HIF3A: variants seen among roughly 807,000 people sequenced by gnomAD.
HIF3A encodes the protein hypoxia-inducible factor 3-alpha.
In HIF3A, 41 loss-of-function variants were observed where a neutral mutation model predicts 67.2. The ratio of observed to expected loss-of-function variants is 0.61; its 90% CI spans 0.48 to 0.79. The LOEUF is 0.79. Among genes scored for constraint, HIF3A ranks in the 30% least tolerant of loss-of-function variants. HIF3A has a pLI of 0.00. For synonymous variants in HIF3A, 356 were observed against 374.8 expected, an observed-to-expected ratio of 0.95 and a Z score of 0.58; for missense variants, 855 against 898.0, an observed-to-expected ratio of 0.95 and a Z score of 0.61.
chr19:46,312,562 G>C lies in HIF3A; in HGVS notation c.934G>C (p.Gly312Arg), dbSNP rs745456635. The change falls in exon 8 of 15, where the codon GGC becomes CGC. Residue 312 changes from glycine (G) to arginine (R), a missense_variant. Physicochemically the swap from Gly to Arg is moderately radical, Grantham distance 125. Transcript: ENST00000377670. ...GTATCGCTTCCTGGCCCGGAGTGGTGGCTACCTGTGGACCCAGACCCAGGC... is the reference window on the plus strand; with the variant it reads ...GTATCGCTTCCTGGCCCGGAGTGGTCGCTACCTGTGGACCCAGACCCAGGC... ...GQYRFLARSGGYLWTQTQATV... is the reference protein window; with the variant it reads ...GQYRFLARSGRYLWTQTQATV... 1.2e-6 allele frequency: 2 copies of C among 1,613,270 alleles called. No individual in the cohort carries two copies. Among genetic ancestry groups the C allele is most frequent in the African/African-American group, 2.7e-5 (2 of 75,018 alleles).
chr19:46,332,693 C>T (rs1971320257), intron 13 of HIF3A, among the ~76,000 whole-genome samples: 2 of 151,908 alleles, frequency 1.3e-5, no homozygotes, highest in African/African-American at 4.8e-5. Flanking sequence ...GATAATATAA[C>T]AGTTTACAGG....
At chr19:46,301,073 TC>T (rs1444049918) in intron 1 of HIF3A, among the ~76,000 whole-genome samples, 1 of 151,954 alleles carries the variant, frequency 6.6e-6, no homozygotes, top group Non-Finnish European at 1.5e-5. Context: ...GGACGGAATG[TC>T]CTCTCAGGCA....
chr19:46,326,686 G>C (rs943044866), intron 11 of HIF3A, among the ~76,000 whole-genome samples: 1 of 152,114 alleles, frequency 6.6e-6, no homozygotes, highest in Non-Finnish European at 1.5e-5. Flanking sequence ...TTGGCTTGTG[G>C]ACTAATGGGG....
chr19:46,316,457 C>A (rs533599059), intron 8 of HIF3A, among the ~76,000 whole-genome samples: 1 of 152,068 alleles, frequency 6.6e-6, no homozygotes, highest in East Asian at 1.9e-4. Flanking sequence ...AAGCTTTTCA[C>A]CATTTAGAAA....
chr19:46,306,992 G>A (rs1968907433), intron 3 of HIF3A, among the ~76,000 whole-genome samples: 3 of 152,160 alleles, frequency 2.0e-5, no homozygotes, highest in Admixed American at 2.0e-4. Context: ...AGAAAAGTGT[G>A]ATTTGAATGG....
chr19:46,329,338 T>A lies in HIF3A; in HGVS notation c.1572T>A (p.Ala524=), dbSNP rs1971015026. ...RPLGAVPRPR[A]RSFHGLSPPA... is the part of the protein sequence containing the mutation. ...TGGGGGCTGTCCCCCGGCCCCGTGC[T>A]CGGAGCTTCCATGGCCTGTCACCTC... The change falls in exon 12 of 15, where the codon GCT becomes GCA. Residue 524 remains alanine (A), a synonymous_variant. Coordinates refer to ENST00000377670, the MANE Select transcript of HIF3A (RefSeq NM_152795.4). The A allele has an allele frequency of 6.2e-7, 1 of 1,613,216 alleles. No individual in the cohort carries two copies. The highest frequency in any genetic ancestry group is 1.3e-5 in the African/African-American group (1 of 75,048).
At chr19:46,339,237 ATTAGT>A (rs1344432709) in intron 14 of HIF3A, among the ~76,000 whole-genome samples, 2 of 152,170 alleles carry the variant, frequency 1.3e-5, no homozygotes, top group South Asian at 2.1e-4. Context: ...GCCAACCGAA[ATTAGT>A]TTAAATTGTA....
At chr19:46,298,528 C>A in intron 1 of HIF3A, 1 of 1,265,930 alleles carries the variant, frequency 7.9e-7, no homozygotes, top group Non-Finnish European at 1.0e-6. Flanking sequence ...AGTGGGCCCC[C>A]AACACCTCCT....
At chr19:46,316,753 A>C (rs1969943776) in intron 8 of HIF3A, among the ~76,000 whole-genome samples, 1 of 150,998 alleles carries the variant, frequency 6.6e-6, no homozygotes, top group South Asian at 2.1e-4. Flanking sequence ...CAATGAGTGG[A>C]GATCAGACCA....
At chr19:46,306,313 G>A (rs1015569109) in intron 3 of HIF3A, among the ~76,000 whole-genome samples, 20 of 152,106 alleles carry the variant, frequency 1.3e-4, no homozygotes, top group African/African-American at 4.3e-4. Context: ...CTCTAGGTAC[G>A]GCATGGAGGT....
chr19:46,312,646 T>C lies in HIF3A; in HGVS notation c.1018T>C (p.Leu340=). ...GGAGAGTATCGTCTGTGTCCATTTTTTAATCAGGTAAGCAGGAGGAGGGGC... is the reference window on the plus strand; with the variant it reads ...GGAGAGTATCGTCTGTGTCCATTTTCTAATCAGGTAAGCAGGAGGAGGGGC... ...QSESIVCVHF[L]ISQVEETGVV... The change falls in exon 8 of 15, where the codon TTA becomes CTA. Residue 340 remains leucine, a synonymous_variant. Coordinates refer to ENST00000377670, the MANE Select transcript of HIF3A (RefSeq NM_152795.4). 4 of 1,557,136 alleles carry C rather than the reference T, an allele frequency of 2.6e-6. No homozygotes were observed. The highest frequency in any genetic ancestry group is 3.5e-6 in the Non-Finnish European group (4 of 1,150,580).
intron 8 of HIF3A, among the ~76,000 whole-genome samples, chr19:46,316,019 T>C (rs1323667865): frequency 6.6e-6 from 1 of 151,796 alleles, no homozygotes; most frequent in African/African-American, 2.4e-5. Context: ...TCACCTGAGG[T>C]CAGGAGTTCT....
At chr19:46,301,128 A>G in intron 1 of HIF3A, among the ~76,000 whole-genome samples, 1 of 152,020 alleles carries the variant, frequency 6.6e-6, no homozygotes, top group Non-Finnish European at 1.5e-5. Context: ...GAAGGAGGGG[A>G]CGGGGACAGG....
chr19:46,300,024 G>A (rs1190708046), intron 1 of HIF3A, among the ~76,000 whole-genome samples: 1 of 152,192 alleles, frequency 6.6e-6, no homozygotes, highest in Non-Finnish European at 1.5e-5. Context: ...ATAGTTCAGT[G>A]TCAATGGAGG....
intron 8 of HIF3A, chr19:46,320,237 T>C (rs1299422934): frequency 1.9e-6 from 1 of 515,854 alleles, no homozygotes; most frequent in Non-Finnish European, 3.4e-6. Context: ...CTTAAAAAAA[T>C]AAAATGCTGT....
intron 8 of HIF3A, among the ~76,000 whole-genome samples, chr19:46,318,627 T>C (rs1970120758): frequency 1.3e-5 from 2 of 151,544 alleles, no homozygotes; most frequent in Admixed American, 6.6e-5. Context: ...TATTTATTTA[T>C]TTATTTATTT....
chr19:46,299,824 G>A (rs1276598526), intron 1 of HIF3A, among the ~76,000 whole-genome samples: 3 of 152,086 alleles, frequency 2.0e-5, no homozygotes, highest in African/African-American at 7.2e-5. Flanking sequence ...ACGGTGGGGG[G>A]CGGGACACCC....
At chr19:46,323,467 C>T (rs1031729036) in intron 10 of HIF3A, among the ~76,000 whole-genome samples, 7 of 152,108 alleles carry the variant, frequency 4.6e-5, no homozygotes, top group African/African-American at 1.7e-4. Context: ...TGAGGCCTAA[C>T]ACACCCAGTG....
intron 14 of HIF3A, among the ~76,000 whole-genome samples, chr19:46,339,111 T>A (rs898756425): frequency 2.6e-5 from 4 of 152,128 alleles, no homozygotes; most frequent in African/African-American, 4.8e-5. Context: ...CAGCTCACAT[T>A]CCTTTCCTTA....
Sources: allele counts gnomAD v4.1 joint callset (sites outside exome capture counted in the v4.1 genomes callset), GRCh38; gene constraint gnomAD v4.1.1; transcripts MANE v1.5; gene names NCBI Gene and HGNC (gene_info 2026-07-23, HGNC 2026-07-21).